Variants in TBC1D22B observed in about 807,000 individuals in gnomAD.
TBC1D22B encodes TBC1 domain family member 22B.
A neutral mutation model predicts 69.1 loss-of-function variants in TBC1D22B; 32 were observed. The observed-to-expected ratio is 0.46, with a 90% CI of 0.35 to 0.62. The LOEUF is 0.62. Ranked by LOEUF, TBC1D22B falls within the 20% of genes least tolerant of loss-of-function variation. TBC1D22B has a pLI of 0.00. For missense variants in TBC1D22B, 462 were observed against 630.9 expected (o/e 0.73, Z 2.87); for synonymous variants, 206 against 229.8 (o/e 0.90, Z 0.94).
At chr6:37,292,815 T>C (rs1025557618) in intron 8 of TBC1D22B, among the ~76,000 whole-genome samples, 1 of 152,222 alleles carries the variant, frequency 6.6e-6, no homozygotes, top group African/African-American at 2.4e-5. Flanking sequence ...TTTCTTCAAG[T>C]GCCCATCCCA....
intron 1 of TBC1D22B, among the ~76,000 whole-genome samples, chr6:37,258,618 G>A (rs556977927): frequency 1.3e-5 from 2 of 152,258 alleles, no homozygotes; most frequent in South Asian, 4.1e-4. Flanking sequence ...CCCCTGCATT[G>A]TAATGCACTT....
Position 37,279,349 on chromosome 6 carries a change from TAAG to T in TBC1D22B, c.163_165del (p.Lys55del), listed in dbSNP as rs757878168. ...AAGTCAACACAGTTCCTCTGAAGAA[TAAG>T]AAGGCCTCCAGTTTTCATGAGTTTG... is the stretch of plus-strand genomic sequence containing the variant. On this transcript the variant is annotated inframe_deletion, in exon 3 of 13. Transcript: ENST00000373491. 1.9e-6 allele frequency: 3 copies of T among 1,613,410 alleles called. No homozygotes were observed. Among genetic ancestry groups the T allele is most frequent in the Admixed American group, 3.3e-5 (2 of 59,862 alleles).
intron 8 of TBC1D22B, among the ~76,000 whole-genome samples, chr6:37,311,577 G>T (rs1178566322): frequency 6.6e-6 from 1 of 152,068 alleles, no homozygotes; most frequent in African/African-American, 2.4e-5. Context: ...GGAGGCTGAG[G>T]TGGGAGGATC....
In TBC1D22B at chr6:37,332,229, T is replaced by A. The variant is rs879221260; in HGVS notation, c.*1057T>A. Reference sequence around the variant, plus strand: ...TGAGCAGCTGGAGCCATCCCAAGCATCAGTGTCTCAGAGTCCTCCTCGCCC... The same window carrying A: ...TGAGCAGCTGGAGCCATCCCAAGCAACAGTGTCTCAGAGTCCTCCTCGCCC... On this transcript the variant is annotated 3_prime_UTR_variant, in exon 13 of 13. Transcript: ENST00000373491. 2.0e-5 allele frequency: 3 copies of A among 152,426 alleles called. No homozygotes were observed. The highest frequency in any genetic ancestry group is 4.1e-4 in the South Asian group (2 of 4,830). The allele number at this position is 152,426 out of a possible 1,614,324, so 9.4% of individuals were successfully genotyped here.
chr6:37,260,947 T>C (rs1358619972), intron 1 of TBC1D22B, among the ~76,000 whole-genome samples: 2 of 152,216 alleles, frequency 1.3e-5, no homozygotes, highest in Non-Finnish European at 2.9e-5. Context: ...TTTATGAACA[T>C]TTATGCAGAG....
chr6:37,291,511 G>A (rs546018680), intron 8 of TBC1D22B, among the ~76,000 whole-genome samples, 154 bp downstream of exon 8: 11 of 152,264 alleles, frequency 7.2e-5, no homozygotes, highest in Non-Finnish European at 1.3e-4. Flanking sequence ...TTTTAACAGC[G>A]GTTGCTGCCT....
chr6:37,316,970 G>A, intron 11 of TBC1D22B, 140 bp downstream of exon 11: 1 of 1,506,824 alleles, frequency 6.6e-7, no homozygotes, highest in South Asian at 1.2e-5. Flanking sequence ...CTCAGGGCAG[G>A]GCCTTTGCTA....
At chr6:37,277,463 C>CTTTTT in intron 2 of TBC1D22B, among the ~76,000 whole-genome samples, 1 of 134,006 alleles carries the variant, frequency 7.5e-6, no homozygotes, top group Admixed American at 7.5e-5. Context: ...TCCTATAGTT[C>CTTTTT]TTTTTTTTTT....
At chr6:37,312,830 A>G in intron 8 of TBC1D22B, 88 bp from the exon 9 acceptor site, 1 of 1,106,336 alleles carries the variant, frequency 9.0e-7, no homozygotes, top group Non-Finnish European at 1.4e-6. Flanking sequence ...ACTTGGCCTT[A>G]AAGACCCCAT....
At chr6:37,302,626 T>A in intron 8 of TBC1D22B, among the ~76,000 whole-genome samples, 1 of 152,232 alleles carries the variant, frequency 6.6e-6, no homozygotes, top group African/African-American at 2.4e-5. Flanking sequence ...TTTTCTCTTT[T>A]CCTTTGCATA....
chr6:37,278,928 CA>C (rs557025264), intron 2 of TBC1D22B, among the ~76,000 whole-genome samples: 161 of 138,708 alleles, frequency 1.2e-3, no homozygotes, highest in Non-Finnish European at 1.4e-3. Flanking sequence ...AACTCTGTCT[CA>C]AAAAAAAAAA....
chr6:37,264,455 G>A (rs1766208096), intron 1 of TBC1D22B, among the ~76,000 whole-genome samples: 1 of 152,176 alleles, frequency 6.6e-6, no homozygotes, highest in Non-Finnish European at 1.5e-5. Flanking sequence ...TGGGATTACA[G>A]ATGTGTGCCA....
At chr6:37,265,138 A>G (rs896473847) in intron 1 of TBC1D22B, among the ~76,000 whole-genome samples, 16 of 152,250 alleles carry the variant, frequency 1.1e-4, no homozygotes, top group East Asian at 1.9e-4. Flanking sequence ...AACAAATTCA[A>G]TTTGGGCCCT....
intron 7 of TBC1D22B, among the ~76,000 whole-genome samples, chr6:37,290,413 G>A (rs141004221): frequency 6.6e-6 from 1 of 152,318 alleles, no homozygotes; most frequent in East Asian, 1.9e-4. Context: ...TTATCAGGTT[G>A]AGAGAAGATG....
chr6:37,284,592 A>T, intron 6 of TBC1D22B, 128 bp downstream of exon 6: 1 of 1,068,594 alleles, frequency 9.4e-7, no homozygotes, highest in South Asian at 2.3e-5. Flanking sequence ...AGTTAAATTT[A>T]TCCTCAAAAC....
At chr6:37,277,916 G>A (rs923645013) in intron 2 of TBC1D22B, among the ~76,000 whole-genome samples, 1 of 151,788 alleles carries the variant, frequency 6.6e-6, no homozygotes, top group Non-Finnish European at 1.5e-5. Flanking sequence ...ATCACTTGAG[G>A]CCAGGAGTTT....
chr6:37,287,102 C>T (rs753471338), intron 7 of TBC1D22B, 30 bp downstream of exon 7: 12 of 1,569,782 alleles, frequency 7.6e-6, no homozygotes, highest in South Asian at 3.5e-5. Flanking sequence ...TTCTTTGGCG[C>T]TTCTCCCCGC....
At chr6:37,276,919 A>T (rs1437025768) in intron 2 of TBC1D22B, among the ~76,000 whole-genome samples, 1 of 152,136 alleles carries the variant, frequency 6.6e-6, no homozygotes, top group East Asian at 1.9e-4. Flanking sequence ...TATATATATA[A>T]AACGAAAACC....
At chr6:37,319,017 C>T (rs189427260) in intron 12 of TBC1D22B, among the ~76,000 whole-genome samples, 23 of 152,158 alleles carry the variant, frequency 1.5e-4, no homozygotes, top group African/African-American at 5.3e-4. Flanking sequence ...AGAGTGGCAG[C>T]GTCTCCATGT....
Sources: gnomAD v4.1 joint callset for allele counts (sites outside exome capture counted in the v4.1 genomes callset) on GRCh38, gnomAD v4.1.1 for gene constraint, MANE v1.5 for transcripts, NCBI Gene and HGNC (gene_info 2026-07-23, HGNC 2026-07-21) for gene names.